The following SPG11 variants were observed in gnomAD, a reference collection of about 807,000 sequenced individuals.
The protein encoded by SPG11 is SPG11 vesicle trafficking associated, spatacsin.
In SPG11, 222 loss-of-function variants were observed where a neutral mutation model predicts 274.0. The observed-to-expected ratio is 0.81, with a 90% CI of 0.73 to 0.91. The LOEUF is 0.91. Among genes scored for constraint, SPG11 ranks in the 40% least tolerant of loss-of-function variants. SPG11 has a pLI of 0.00. For synonymous variants in SPG11, 1,144 were observed against 1,039.7 expected, an observed-to-expected ratio of 1.10 and a Z score of -1.93; for missense variants, 3,114 against 2,872.7, an observed-to-expected ratio of 1.08 and a Z score of -1.92.
intron 7 of SPG11, among the ~76,000 whole-genome samples, chr15:44,640,682 TA>T (rs2084413504): frequency 1.3e-5 from 2 of 152,138 alleles, no homozygotes; most frequent in African/African-American, 4.8e-5. Flanking sequence ...TGTGGAAACT[TA>T]ATATATGACA....
intron 36 of SPG11, among the ~76,000 whole-genome samples, chr15:44,567,146 TC>T (rs1454187553): frequency 6.6e-6 from 1 of 151,848 alleles, no homozygotes; most frequent in Non-Finnish European, 1.5e-5. Context: ...GGTCAGGAGT[TC>T]AAGACCAGCC....
chr15:44,602,623 C>T (rs562996049), intron 20 of SPG11, among the ~76,000 whole-genome samples: 113 of 151,974 alleles, frequency 7.4e-4, no homozygotes, highest in South Asian at 3.3e-3. Flanking sequence ...GGACTACAGG[C>T]GCCTGCCACA....
At chr15:44,578,601 A>T (rs2082595024) in intron 30 of SPG11, among the ~76,000 whole-genome samples, 2 of 152,190 alleles carry the variant, frequency 1.3e-5, no homozygotes, top group African/African-American at 4.8e-5. Flanking sequence ...CTACACATGT[A>T]TGGCCTTGAT....
rs2141106039 is a variant in SPG11, at chr15:44,651,569, T to C, written c.1378A>G (p.Met460Val). 6.2e-7 allele frequency: 1 copy of C among 1,614,204 alleles called. No individual in the cohort carries two copies. The highest frequency in any genetic ancestry group is 8.5e-7 in the Non-Finnish European group (1 of 1,180,024). Residue 460 changes from methionine to valine, a missense_variant, in exon 6 of 40, where the codon ATG becomes GTG. Transcript: ENST00000261866. ...ITLWDLETQGMQCFSLGTKCI... is the reference protein window; with the variant it reads ...ITLWDLETQGVQCFSLGTKCI... ...TTTGTGCCAAGGGAAAAACACTGCA[T>C]GCCCTGGGTCTCCAAATCCCAGAGG...
intron 7 of SPG11, among the ~76,000 whole-genome samples, chr15:44,640,124 C>T (rs1264372570): frequency 1.3e-5 from 2 of 152,134 alleles, no homozygotes; most frequent in East Asian, 1.9e-4. Context: ...GCAGGAGAAT[C>T]GCTTGAACCC....
chr15:44,635,777 T>A (rs1018788251), intron 7 of SPG11, among the ~76,000 whole-genome samples: 2 of 151,454 alleles, frequency 1.3e-5, no homozygotes, highest in African/African-American at 4.8e-5. Flanking sequence ...ATTAGCTGGG[T>A]GTGGTGGTGT....
intron 26 of SPG11, among the ~76,000 whole-genome samples, chr15:44,594,425 CAAAACA>C (rs1266599219): frequency 1.3e-5 from 2 of 150,932 alleles, no homozygotes; most frequent in Non-Finnish European, 3.0e-5. Context: ...GACTCTGTCT[CAAAACA>C]AAAACAAAAA....
intron 5 of SPG11, 34 bp from the exon 6 acceptor site, chr15:44,651,973 T>A: frequency 6.3e-7 from 1 of 1,596,754 alleles, no homozygotes; most frequent in South Asian, 1.1e-5. Flanking sequence ...TTAACACCTG[T>A]CACAGTAAAA....
intron 32 of SPG11, 34 bp from the exon 33 acceptor site, chr15:44,572,854 T>A (rs1232985266): frequency 1.2e-6 from 2 of 1,613,474 alleles, no homozygotes; most frequent in Admixed American, 3.3e-5. Flanking sequence ...GGTGCTGGTT[T>A]TATCTAAGAG....
chr15:44,617,124 G>A (rs1360588108), intron 15 of SPG11, among the ~76,000 whole-genome samples: 1 of 152,112 alleles, frequency 6.6e-6, no homozygotes, highest in Admixed American at 6.5e-5. Flanking sequence ...CTCAATGGGA[G>A]GGCTCCATCA....
chr15:44,565,966 TTGG>T lies in SPG11; in HGVS notation c.6884_6886del (p.Thr2295del), dbSNP rs1060501169. 4 of 1,613,880 alleles carry T rather than the reference TTGG, an allele frequency of 2.5e-6. No homozygotes were observed. The highest frequency in any genetic ancestry group is 2.5e-6 in the Non-Finnish European group (3 of 1,180,032). On this transcript the variant is annotated inframe_deletion, in exon 38 of 40. Transcript: ENST00000261866. ...AAAGTGAATCTGCAGAGTTATCAAC[TTGG>T]TGAGCCGCTGACAGTGCTGGGCCTG... is the stretch of plus-strand genomic sequence containing the variant.
chr15:44,600,334 G>A (rs888292124), intron 21 of SPG11, 133 bp downstream of exon 21: 7 of 905,290 alleles, frequency 7.7e-6, no homozygotes, highest in Non-Finnish European at 1.3e-5. Flanking sequence ...ACCCAGGCTA[G>A]AGTGCAGTGG....
intron 14 of SPG11, 129 bp downstream of exon 14, chr15:44,621,630 A>G (rs1411735911): frequency 2.1e-6 from 2 of 936,688 alleles, no homozygotes; most frequent in East Asian, 5.1e-5. Flanking sequence ...AACGACTTGC[A>G]TTTTAAAGAA....
Position 44,663,501 on chromosome 15 carries a change from T to C in SPG11, c.147A>G (p.Thr49=). 6.3e-7 allele frequency: 1 copy of C among 1,594,238 alleles called. No homozygotes were observed. Among genetic ancestry groups the C allele is most frequent in the South Asian group, 1.1e-5 (1 of 88,750 alleles). ...TCAGGCTCCCCAGAGCCTCCGGCTG[T>C]GTGCGCAGCTGCGCCCGGGAGCCGA... ...GQLGSRAQLR[T]QPEALGSLTA... is the part of the protein sequence containing the mutation. Residue 49 remains threonine (T), a synonymous_variant, in exon 1 of 40, where the codon ACA becomes ACG. Transcript: ENST00000261866.
intron 7 of SPG11, among the ~76,000 whole-genome samples, chr15:44,642,533 G>T (rs1194815215): frequency 6.6e-6 from 1 of 151,532 alleles, no homozygotes; most frequent in Non-Finnish European, 1.5e-5. Flanking sequence ...ACATTTATAT[G>T]CAGAAAAATA....
rs747055201 is a variant in SPG11, at chr15:44,657,202, G to C, written c.762C>G (p.Ala254=). ...TCAGTGAAGTAAATGAAGAAATCTT[G>C]GCTGGCTCCTGTTGCTGCTCATTAC... ...DMCNEQQQEP[A]KISSFTSLKV... Residue 254 remains alanine (A), a synonymous_variant, in exon 4 of 40, where the codon GCC becomes GCG. Transcript: ENST00000261866. 1.9e-6 allele frequency: 3 copies of C among 1,614,044 alleles called. No homozygotes were observed. The highest frequency in any genetic ancestry group is 1.3e-5 in the African/African-American group (1 of 74,920).
chr15:44,633,514 A>G lies in SPG11; in HGVS notation c.1726T>C (p.Tyr576His), dbSNP rs185829887. ...DQFDHLSSHL[Y>H]LRNVEELIPA... ...TCTTTATTCCACTTACTTCTTAAAT[A>G]TAAATGGGATGACAAGTGATCAAAC... Residue 576 changes from tyrosine to histidine, a missense_variant, in exon 8 of 40, where the codon TAT becomes CAT. Physicochemically the swap from Tyr to His is moderately conservative, Grantham distance 83. Coordinates refer to ENST00000261866, the MANE Select transcript of SPG11 (RefSeq NM_025137.4). The G allele has an allele frequency of 6.3e-7, 1 of 1,594,974 alleles. No individual in the cohort carries two copies. Among genetic ancestry groups the G allele is most frequent in the Admixed American group, 1.7e-5 (1 of 59,022 alleles).
At position 44,652,172 on chromosome 15, in the gene SPG11, C is replaced by G. The variant is rs1482577029; in HGVS notation, c.964G>C (p.Ala322Pro). 1 of 1,614,104 alleles carries G rather than the reference C, an allele frequency of 6.2e-7. No homozygotes were observed. The highest frequency in any genetic ancestry group is 2.2e-5 in the East Asian group (1 of 44,868). Residue 322 changes from alanine to proline, a missense_variant, in exon 5 of 40, where the codon GCC (alanine) becomes CCC (proline). By Grantham distance (27) the Ala-to-Pro change is conservative. Coordinates refer to ENST00000261866, the MANE Select transcript of SPG11 (RefSeq NM_025137.4). ...AACTTGGCCAGTTTCATGTTGTAGG[C>G]AGAGTTAACAGGATCATCTTCATCT... The part of the protein sequence containing the change: ...GVDEDDPVNS[A>P]YNMKLAKFSF...
intron 11 of SPG11, among the ~76,000 whole-genome samples, chr15:44,625,559 GC>G (rs562535808): frequency 6.6e-6 from 1 of 152,046 alleles, no homozygotes; most frequent in Non-Finnish European, 1.5e-5. Flanking sequence ...TTCATCTTCT[GC>G]CATGACTGTA....
Sources: gnomAD v4.1 joint callset for allele counts (sites outside exome capture counted in the v4.1 genomes callset) on GRCh38, gnomAD v4.1.1 for gene constraint, MANE v1.5 for transcripts, NCBI Gene and HGNC (gene_info 2026-07-23, HGNC 2026-07-21) for gene names.